GPC6: variants seen among roughly 807,000 people sequenced by gnomAD.
The protein encoded by GPC6 is glypican 6.
In GPC6, 14 loss-of-function variants were observed where a neutral mutation model predicts 55.2. The ratio of observed to expected loss-of-function variants is 0.25; its 90% confidence interval spans 0.17 to 0.40. GPC6 has a LOEUF of 0.40. Among genes scored for constraint, GPC6 ranks in the 10% least tolerant of loss-of-function variants. GPC6 has a pLI of 1.00. For missense variants in GPC6, 641 were observed against 708.5 expected, an observed-to-expected ratio of 0.90 and a Z score of 1.08; for synonymous variants, 278 against 259.6, an observed-to-expected ratio of 1.07 and a Z score of -0.68.
chr13:93,699,103 G>C (rs1000688880), intron 2 of GPC6, among the ~76,000 whole-genome samples: 5 of 152,070 alleles, frequency 3.3e-5, no homozygotes, highest in Non-Finnish European at 7.4e-5. Flanking sequence ...GAGTTAATTA[G>C]AACCTGGGAA....
At chr13:94,102,923 C>T (rs1885917891) in intron 4 of GPC6, among the ~76,000 whole-genome samples, 1 of 152,238 alleles carries the variant, frequency 6.6e-6, no homozygotes, top group Non-Finnish European at 1.5e-5. Context: ...TTCTAGGGTA[C>T]ATGTGCACAA....
chr13:93,682,567 C>G (rs970166704), intron 2 of GPC6, among the ~76,000 whole-genome samples: 2 of 152,012 alleles, frequency 1.3e-5, no homozygotes, highest in South Asian at 4.1e-4. Context: ...CTCCATATGT[C>G]TATAAAACAA....
At chr13:93,383,326 C>A (rs1368233908) in intron 1 of GPC6, among the ~76,000 whole-genome samples, 2 of 152,128 alleles carry the variant, frequency 1.3e-5, no homozygotes, top group African/African-American at 4.8e-5. Flanking sequence ...ATCCTTTCAC[C>A]TCAGTCTCCG....
chr13:93,285,188 G>C (rs1402660709), intron 1 of GPC6, among the ~76,000 whole-genome samples: 1 of 152,180 alleles, frequency 6.6e-6, no homozygotes, highest in African/African-American at 2.4e-5. Context: ...AATAATGCGT[G>C]CTGTTGTAAA....
At chr13:93,473,228 A>G (rs1191960914) in intron 1 of GPC6, among the ~76,000 whole-genome samples, 5 of 152,184 alleles carry the variant, frequency 3.3e-5, no homozygotes, top group Non-Finnish European at 7.4e-5. Flanking sequence ...CCATGGGCCC[A>G]GGCTGCTCTC....
At chr13:93,477,069 A>G (rs950199223) in intron 1 of GPC6, among the ~76,000 whole-genome samples, 2 of 152,168 alleles carry the variant, frequency 1.3e-5, no homozygotes, top group African/African-American at 4.8e-5. Context: ...AGTTTTGATG[A>G]AAAACACCTC....
At chr13:93,956,686 A>AT (rs1879521627) in intron 3 of GPC6, among the ~76,000 whole-genome samples, 1 of 152,182 alleles carries the variant, frequency 6.6e-6, no homozygotes, top group African/African-American at 2.4e-5. Context: ...AAAGAGCCAC[A>AT]TTTTTCAAAT....
chr13:93,682,877 G>T (rs1450799294), intron 2 of GPC6, among the ~76,000 whole-genome samples: 2 of 151,432 alleles, frequency 1.3e-5, no homozygotes, highest in Non-Finnish European at 2.9e-5. Flanking sequence ...AAGTAGCCAG[G>T]TGTGGTAGTG....
intron 4 of GPC6, among the ~76,000 whole-genome samples, chr13:94,235,225 C>T (rs1358157456): frequency 6.6e-6 from 1 of 152,098 alleles, no homozygotes; most frequent in East Asian, 1.9e-4. Context: ...CACTACACTC[C>T]AGTGGTTCTG....
intron 6 of GPC6, among the ~76,000 whole-genome samples, chr13:94,378,154 A>T (rs2139202408): frequency 6.6e-6 from 1 of 152,218 alleles, no homozygotes; most frequent in South Asian, 2.1e-4. Flanking sequence ...TATGTAACTA[A>T]CCTGCACAAT....
chr13:93,273,696 G>C (rs1207056062), intron 1 of GPC6, among the ~76,000 whole-genome samples: 1 of 152,090 alleles, frequency 6.6e-6, no homozygotes, highest in Non-Finnish European at 1.5e-5. Flanking sequence ...ACATGTCAAA[G>C]CTTTACTGTT....
At chr13:94,187,705 A>C (rs1889251263) in intron 4 of GPC6, among the ~76,000 whole-genome samples, 1 of 152,166 alleles carries the variant, frequency 6.6e-6, no homozygotes, top group African/African-American at 2.4e-5. Context: ...CTTTACCCTC[A>C]TGAGGCTTAG....
intron 4 of GPC6, among the ~76,000 whole-genome samples, chr13:94,031,146 G>A (rs1179342384): frequency 1.3e-5 from 2 of 151,898 alleles, no homozygotes; most frequent in Admixed American, 1.3e-4. Context: ...AAAAAATCAG[G>A]AGTCTATTTA....
intron 3 of GPC6, among the ~76,000 whole-genome samples, chr13:93,887,017 A>G (rs993548029): frequency 6.6e-6 from 1 of 151,992 alleles, no homozygotes; most frequent in African/African-American, 2.4e-5. Context: ...ATAAGAATGT[A>G]TGTTTCCAAA....
chr13:94,308,804 G>T (rs542131644), intron 6 of GPC6, among the ~76,000 whole-genome samples: 1 of 152,158 alleles, frequency 6.6e-6, no homozygotes. Flanking sequence ...GAGCTATACC[G>T]AGGTTATTCC....
the GPC6 span, among the ~76,000 whole-genome samples, chr13:93,219,776 T>C: frequency 1.1e-4 from 16 of 152,268 alleles, no homozygotes; most frequent in African/African-American, 3.8e-4. Flanking sequence ...GATAGCAAGG[T>C]TTAGTGATAT....
intron 4 of GPC6, among the ~76,000 whole-genome samples, chr13:94,141,191 C>G (rs1213586583): frequency 6.6e-6 from 1 of 152,044 alleles, no homozygotes; most frequent in Non-Finnish European, 1.5e-5. Flanking sequence ...ACATGGAAGG[C>G]ATGCATTGGT....
intron 1 of GPC6, among the ~76,000 whole-genome samples, chr13:93,485,803 T>G (rs533916979): frequency 1.3e-5 from 2 of 152,098 alleles, no homozygotes; most frequent in Non-Finnish European, 2.9e-5. Context: ...AGGTTTGAGA[T>G]TTTTGCAGTT....
intron 2 of GPC6, among the ~76,000 whole-genome samples, chr13:93,583,838 A>T (rs1235356147): frequency 6.6e-6 from 1 of 152,214 alleles, no homozygotes; most frequent in East Asian, 1.9e-4. Flanking sequence ...GTAGTGAGAA[A>T]TTTAGAACTG....
Sources: allele counts gnomAD v4.1 joint callset (sites outside exome capture counted in the v4.1 genomes callset), GRCh38; gene constraint gnomAD v4.1.1; transcripts MANE v1.5; gene names NCBI Gene and HGNC (gene_info 2026-07-23, HGNC 2026-07-21).